Variants in MUSK observed in about 807,000 individuals in gnomAD.
MUSK encodes the protein muscle, skeletal receptor tyrosine-protein kinase.
A neutral mutation model predicts 88.7 loss-of-function variants in MUSK; 55 were observed. The observed-to-expected ratio is 0.62, with a 90% confidence interval of 0.50 to 0.78. The LOEUF (loss-of-function observed/expected upper bound fraction) is 0.78, where lower values mean the gene tolerates loss of function less well. Among genes scored for constraint, MUSK ranks in the 30% least tolerant of loss-of-function variants. The probability of loss-of-function intolerance (pLI) is 0.00; values close to 1 mark genes in which losing one functional copy is unlikely to be tolerated. For synonymous variants in MUSK, 387 were observed against 391.9 expected (o/e 0.99, Z 0.15); for missense variants, 1,015 against 1,074.3 (o/e 0.94, Z 0.77).
chr9:110,730,473 G>A (rs2076949083), intron 5 of MUSK, among the ~76,000 whole-genome samples: 1 of 151,948 alleles, frequency 6.6e-6, no homozygotes, highest in South Asian at 2.1e-4. Context: ...ACACAAAATA[G>A]GGATATTCTA....
intron 5 of MUSK, among the ~76,000 whole-genome samples, chr9:110,724,835 T>C (rs1344987177): frequency 3.9e-5 from 6 of 151,992 alleles, no homozygotes; most frequent in African/African-American, 1.2e-4. Context: ...GCTATAATTA[T>C]TATATATCAT....
At chr9:110,784,676 C>CT in intron 11 of MUSK, 139 bp from the exon 12 acceptor site, 1 of 628,886 alleles carries the variant, frequency 1.6e-6, no homozygotes, top group Non-Finnish European at 2.6e-6. Context: ...CCTTACTGAA[C>CT]TTTATAAATA....
intron 1 of MUSK, among the ~76,000 whole-genome samples, chr9:110,674,856 C>T (rs2076004129): frequency 6.6e-6 from 1 of 152,098 alleles, no homozygotes; most frequent in East Asian, 1.9e-4. Context: ...AAGTGATCCT[C>T]CCACCTCGGC....
At chr9:110,701,997 C>T (rs555390344) in intron 5 of MUSK, among the ~76,000 whole-genome samples, 1 of 149,794 alleles carries the variant, frequency 6.7e-6, no homozygotes, top group East Asian at 1.9e-4. Flanking sequence ...CCAGCCTTGA[C>T]CTCCCAAAAT....
chr9:110,727,558 T>C (rs1269851861), intron 5 of MUSK: 1 of 183,510 alleles, frequency 5.4e-6, no homozygotes, highest in African/African-American at 2.4e-5. Flanking sequence ...AAATTGGCCA[T>C]TAAACCTGCC....
At chr9:110,728,755 G>A (rs766503301) in intron 5 of MUSK, 64 of 1,522,838 alleles carry the variant, frequency 4.2e-5, no homozygotes, top group Non-Finnish European at 5.6e-5. Context: ...CTTTTTAATT[G>A]TGTAGCTCTT....
Position 110,715,635 on chromosome 9 carries a change from T to A in MUSK, c.628+18169T>A, listed in dbSNP as rs1442232618. 2.0e-5 allele frequency among the ~76,000 whole-genome samples: 3 copies of A among 147,422 alleles called. 1 individual carries two copies. The highest frequency in any genetic ancestry group is 5.2e-5 in the African/African-American group (2 of 38,166). ...AAATGGCACTATGAAAATAAAATAATCTAGGAACAAATATTATTTTATTTT... is the reference window on the plus strand; with the variant it reads ...AAATGGCACTATGAAAATAAAATAAACTAGGAACAAATATTATTTTATTTT... On this transcript the variant is annotated intron_variant, in intron 5 of 14. Coordinates refer to ENST00000374448, the MANE Select transcript of MUSK (RefSeq NM_005592.4).
intron 4 of MUSK, among the ~76,000 whole-genome samples, chr9:110,696,728 G>A (rs2076434541): frequency 6.6e-6 from 1 of 151,978 alleles, no homozygotes; most frequent in Non-Finnish European, 1.5e-5. Flanking sequence ...TATTTCAAAG[G>A]ACATGTACTC....
intron 5 of MUSK, among the ~76,000 whole-genome samples, chr9:110,712,331 G>A (rs1338675008): frequency 6.6e-6 from 1 of 152,054 alleles, no homozygotes; most frequent in East Asian, 1.9e-4. Context: ...CATAGTATCT[G>A]TTACACCAAA....
chr9:110,689,273 A>G lies in MUSK; in HGVS notation c.358+2005A>G, dbSNP rs1260688129. On this transcript the variant is annotated intron_variant, in intron 3 of 14. Transcript: ENST00000374448. ...CTATATATTTATATATTGTATAGTT[A>G]TATTTATATATAAATATATAGCTAT... Among the ~76,000 whole-genome samples the G allele has an allele frequency of 1.0e-4, 12 of 119,008 alleles. No individual in the cohort carries two copies. The East Asian group carries it at 2.9e-3, about 29-fold the overall frequency. 78.1% of individuals were successfully genotyped at this position (119,008 alleles called of 152,430 possible). A position where few individuals can be genotyped will look rare whatever the true frequency, so the allele number is the denominator to read the frequency against.
At chr9:110,727,091 G>T (rs10980547) in intron 5 of MUSK, among the ~76,000 whole-genome samples, 2 of 152,018 alleles carry the variant, frequency 1.3e-5, no homozygotes, top group African/African-American at 4.8e-5. Context: ...TCCTTTTAAC[G>T]ATAAATATAT....
intron 5 of MUSK, among the ~76,000 whole-genome samples, chr9:110,723,390 T>G (rs905544201): frequency 6.6e-6 from 1 of 152,030 alleles, no homozygotes; most frequent in Non-Finnish European, 1.5e-5. Context: ...AAACATTGTA[T>G]GTTTTCATGC....
chr9:110,734,682 G>A (rs986201432), intron 6 of MUSK, among the ~76,000 whole-genome samples: 3 of 152,008 alleles, frequency 2.0e-5, no homozygotes, highest in South Asian at 2.1e-4. Flanking sequence ...ACTCATCACC[G>A]AAAGATTAGT....
intron 7 of MUSK, among the ~76,000 whole-genome samples, chr9:110,756,880 A>G (rs2077332539): frequency 3.3e-5 from 5 of 151,718 alleles, no homozygotes; most frequent in Admixed American, 3.3e-4. Context: ...CATATTTCCT[A>G]CGTGTGTGTG....
intron 1 of MUSK, among the ~76,000 whole-genome samples, chr9:110,669,523 G>A (rs1212082678): frequency 6.6e-6 from 1 of 152,128 alleles, no homozygotes; most frequent in Non-Finnish European, 1.5e-5. Context: ...GGAAGACAAT[G>A]GATTTTAAAT....
At position 110,801,088 on chromosome 9, in the gene MUSK, G is replaced by A; in HGVS notation, c.*100G>A. The A allele has an allele frequency of 9.1e-7, 1 of 1,094,250 alleles. No individual in the cohort carries two copies. Among genetic ancestry groups the A allele is most frequent in the Non-Finnish European group, 1.2e-6 (1 of 800,586 alleles). 67.8% of individuals were successfully genotyped at this position (1,094,250 alleles called of 1,614,324 possible). A position where few individuals can be genotyped will look rare whatever the true frequency, so the allele number is the denominator to read the frequency against. Reference sequence around the variant, plus strand: ...CCCAACAAGACCCACATAGGAAAGAGTAAGAGTAAACATGAGTAGTGTGTT... The same window carrying A: ...CCCAACAAGACCCACATAGGAAAGAATAAGAGTAAACATGAGTAGTGTGTT... On this transcript the variant is annotated 3_prime_UTR_variant, in exon 15 of 15. Transcript: ENST00000374448.
At chr9:110,678,762 AAT>A (rs1410765229) in intron 1 of MUSK, among the ~76,000 whole-genome samples, 1 of 152,128 alleles carries the variant, frequency 6.6e-6, no homozygotes, top group Non-Finnish European at 1.5e-5. Context: ...GGCATTTGAA[AAT>A]ATGTGTCATC....
chr9:110,731,517 A>G (rs10759465), intron 5 of MUSK, among the ~76,000 whole-genome samples: 52,705 of 151,934 alleles, frequency 0.35, 9,681 homozygotes, highest in African/African-American at 0.4. Flanking sequence ...CTATTTTATC[A>G]TTTAGAGAGC....
At chr9:110,783,092 T>G (rs549131151) in intron 11 of MUSK, among the ~76,000 whole-genome samples, 1 of 152,318 alleles carries the variant, frequency 6.6e-6, no homozygotes, top group South Asian at 2.1e-4. Flanking sequence ...AGGCATCTAC[T>G]GCCATAAAGG....
Sources: gnomAD v4.1 joint callset for allele counts (sites outside exome capture counted in the v4.1 genomes callset) on GRCh38, gnomAD v4.1.1 for gene constraint, MANE v1.5 for transcripts, NCBI Gene and HGNC (gene_info 2026-07-23, HGNC 2026-07-21) for gene names.